KDM6A: variants seen among roughly 807,000 people sequenced by gnomAD.
KDM6A encodes lysine demethylase 6A.
In KDM6A, 11 loss-of-function variants were observed where a neutral mutation model predicts 117.6. The ratio of observed to expected loss-of-function variants is 0.09; its 90% CI spans 0.06 to 0.15. KDM6A has a LOEUF of 0.15. Among genes scored for constraint, KDM6A ranks in the 10% least tolerant of loss-of-function variants. The pLI, the probability that KDM6A is intolerant of heterozygous loss-of-function variation, is 1.00. For missense variants in KDM6A, 799 were observed against 1,077.3 expected (o/e 0.74, Z 3.62); for synonymous variants, 384 against 396.1 (o/e 0.97, Z 0.36).
chrX:44,926,700 C>G (rs1010692605), intron 2 of KDM6A, among the ~76,000 whole-genome samples: 3 of 111,032 alleles, frequency 2.7e-5, no homozygotes, highest in Non-Finnish European at 5.7e-5. Context: ...GTTGTTACAC[C>G]CCTTTGAAAG....
intron 4 of KDM6A, 28 bp downstream of exon 4, chrX:44,974,743 A>C (rs777585670): frequency 9.0e-7 from 1 of 1,115,748 alleles, no homozygotes; most frequent in African/African-American, 1.8e-5. Flanking sequence ...TGCTGATTTC[A>C]TGTTTGTGTT....
chrX:44,993,164 G>T (rs1490091332), intron 4 of KDM6A, among the ~76,000 whole-genome samples: 1 of 111,589 alleles, frequency 9.0e-6, no homozygotes, highest in African/African-American at 3.3e-5. Flanking sequence ...TCTAAGAAAT[G>T]CTATATCACC....
intron 2 of KDM6A, among the ~76,000 whole-genome samples, chrX:44,890,221 G>T (rs1323945372): frequency 1.8e-5 from 2 of 112,220 alleles, no homozygotes; most frequent in African/African-American, 6.5e-5. Context: ...AGATATCCTT[G>T]GAGAGTTATC....
chrX:44,935,407 ATAGG>A (rs2036907819), intron 2 of KDM6A, among the ~76,000 whole-genome samples: 1 of 110,930 alleles, frequency 9.0e-6, no homozygotes, highest in African/African-American at 3.3e-5. Flanking sequence ...TCTTGATGAA[ATAGG>A]TGGGTGGTGA....
chrX:45,019,946 A>C (rs1484851072), intron 5 of KDM6A, among the ~76,000 whole-genome samples: 2 of 111,788 alleles, frequency 1.8e-5, no homozygotes, highest in Non-Finnish European at 3.8e-5. Context: ...GGCAAAGATG[A>C]ACTGATAGAC....
At chrX:44,951,412 T>A in intron 2 of KDM6A, among the ~76,000 whole-genome samples, 1 of 111,872 alleles carries the variant, frequency 8.9e-6, no homozygotes, top group East Asian at 2.8e-4. Flanking sequence ...TGTATTATTT[T>A]ATACATATAC....
chrX:45,027,331 T>C (rs1483752407), intron 6 of KDM6A, among the ~76,000 whole-genome samples: 1 of 84,588 alleles, frequency 1.2e-5, no homozygotes. Context: ...CGCAACATAG[T>C]GTGAAACACA....
chrX:45,034,082 G>T (rs2147771019), intron 6 of KDM6A, among the ~76,000 whole-genome samples: 1 of 110,512 alleles, frequency 9.0e-6, no homozygotes, highest in South Asian at 3.8e-4. Flanking sequence ...ATATATATTT[G>T]TAGGAATATT....
At chrX:44,894,062 A>G (rs968505190) in intron 2 of KDM6A, among the ~76,000 whole-genome samples, 2 of 111,980 alleles carry the variant, frequency 1.8e-5, no homozygotes, top group African/African-American at 6.5e-5. Context: ...ATTTTTGTGT[A>G]TAAGATCATG....
At chrX:45,105,463 A>G (rs933700678) in intron 27 of KDM6A, among the ~76,000 whole-genome samples, 11 of 111,146 alleles carry the variant, frequency 9.9e-5, no homozygotes, top group African/African-American at 3.6e-4. Context: ...AATGGTATCT[A>G]CAGAGTTTTA....
chrX:44,884,542 C>A (rs1421487729), intron 2 of KDM6A, among the ~76,000 whole-genome samples: 1 of 111,602 alleles, frequency 9.0e-6, no homozygotes, highest in East Asian at 2.8e-4. Flanking sequence ...CAGACTATTG[C>A]ATTTTGTGTT....
chrX:45,049,600 A>G (rs772382169), intron 8 of KDM6A, among the ~76,000 whole-genome samples: 11 of 111,913 alleles, frequency 9.8e-5, no homozygotes, highest in Non-Finnish European at 2.1e-4. Context: ...ATATTTTAAC[A>G]TTTGTTAAGA....
intron 4 of KDM6A, among the ~76,000 whole-genome samples, chrX:44,975,181 A>G (rs2039556737): frequency 9.0e-6 from 1 of 111,516 alleles, no homozygotes; most frequent in South Asian, 3.7e-4. Context: ...TAGAAGACCT[A>G]CCTAAATGAA....
chrX:44,941,630 G>A (rs371694225), intron 2 of KDM6A, among the ~76,000 whole-genome samples: 6 of 109,037 alleles, frequency 5.5e-5, no homozygotes, highest in Middle Eastern at 4.7e-3. Flanking sequence ...ACAGGTACCC[G>A]CCGCCACACC....
At chrX:45,070,708 GTT>G (rs761072075) in intron 18 of KDM6A, among the ~76,000 whole-genome samples, 2 of 98,796 alleles carry the variant, frequency 2.0e-5, no homozygotes, top group African/African-American at 3.7e-5. Flanking sequence ...AACCCTATGG[GTT>G]TTTTTTTTTT....
At chrX:45,072,620 G>A (rs2044904733) in intron 18 of KDM6A, among the ~76,000 whole-genome samples, 1 of 109,084 alleles carries the variant, frequency 9.2e-6, no homozygotes, top group Admixed American at 1.0e-4. Context: ...AGGTACTGCT[G>A]CTCTAACTGC....
At chrX:44,905,300 CAT>C (rs2034585719) in intron 2 of KDM6A, among the ~76,000 whole-genome samples, 1 of 111,799 alleles carries the variant, frequency 8.9e-6, no homozygotes, top group East Asian at 2.8e-4. Flanking sequence ...ATTATAATAC[CAT>C]ATTTTTACTG....
intron 3 of KDM6A, among the ~76,000 whole-genome samples, chrX:44,972,190 C>T (rs1355582277): frequency 9.0e-6 from 1 of 111,290 alleles, no homozygotes; most frequent in Non-Finnish European, 1.9e-5. Context: ...AATTGAGCAG[C>T]ATATTATACT....
intron 2 of KDM6A, among the ~76,000 whole-genome samples, chrX:44,912,286 T>A (rs187273678): frequency 6.1e-4 from 67 of 110,132 alleles, no homozygotes; most frequent in African/African-American, 2.2e-3. Flanking sequence ...GACGGGTTTC[T>A]CCATGTTGGT....
Sources: gnomAD v4.1 joint callset for allele counts (sites outside exome capture counted in the v4.1 genomes callset) on GRCh38, gnomAD v4.1.1 for gene constraint, MANE v1.5 for transcripts, NCBI Gene and HGNC (gene_info 2026-07-23, HGNC 2026-07-21) for gene names.